Variants in ELAVL1 observed in about 807,000 individuals in gnomAD.
ELAVL1 encodes ELAV-like protein 1.
ELAVL1 carries 1 observed loss-of-function variant against 28.4 expected under a neutral mutation model. That is an observed-to-expected ratio of 0.04 (90% CI 0.01 to 0.17). ELAVL1 has a LOEUF of 0.17. Among genes scored for constraint, ELAVL1 ranks in the 10% least tolerant of loss-of-function variants. The probability of loss-of-function intolerance (pLI) is 1.00; values close to 1 mark genes in which losing one functional copy is unlikely to be tolerated. For synonymous variants in ELAVL1, 174 were observed against 183.5 expected (o/e 0.95, Z 0.42); for missense variants, 157 against 447.2 (o/e 0.35, Z 5.85).
intron 2 of ELAVL1, among the ~76,000 whole-genome samples, chr19:7,986,164 C>T (rs976751250): frequency 9.2e-5 from 14 of 152,208 alleles, no homozygotes; most frequent in South Asian, 4.1e-4. Context: ...CAGCTGGAAG[C>T]GCCCTGACCT....
chr19:7,976,518 G>A (rs1292421125), intron 3 of ELAVL1, among the ~76,000 whole-genome samples: 35 of 152,220 alleles, frequency 2.3e-4, no homozygotes, highest in Non-Finnish European at 8.8e-5. Flanking sequence ...AGACACTGGG[G>A]TGATGCTTCT....
At chr19:7,972,470 C>T (rs1391850203) in intron 4 of ELAVL1, among the ~76,000 whole-genome samples, 1 of 152,228 alleles carries the variant, frequency 6.6e-6, no homozygotes, top group Non-Finnish European at 1.5e-5. Flanking sequence ...GATTGCCTGC[C>T]CATTAGAGGA....
intron 2 of ELAVL1, among the ~76,000 whole-genome samples, chr19:7,988,294 C>T (rs1352660982): frequency 2.6e-5 from 4 of 152,100 alleles, no homozygotes; most frequent in African/African-American, 9.7e-5. Flanking sequence ...TTCTGGAGCT[C>T]AGGACAGCCT....
chr19:7,976,317 G>C (rs922267782), intron 3 of ELAVL1, among the ~76,000 whole-genome samples: 8 of 151,416 alleles, frequency 5.3e-5, no homozygotes, highest in African/African-American at 1.9e-4. Context: ...CAGGAGAATG[G>C]CGTGAACCCA....
At position 7,984,012 on chromosome 19, in the gene ELAVL1, A is replaced by G. The variant is rs374266253; in HGVS notation, c.173-2826T>C. ...TCCTCAGGCTCCTCACTCCCTGTCC[A>G]TTCCATGGAGACCCATGGGCCCTGA... is the stretch of plus-strand genomic sequence containing the variant. On this transcript the variant is annotated intron_variant, in intron 2 of 5. Coordinates refer to ENST00000407627, the MANE Select transcript of ELAVL1 (RefSeq NM_001419.3). 1.7e-3 allele frequency among the ~76,000 whole-genome samples: 254 copies of G among 152,048 alleles called. 1 individual carries two copies. The highest frequency in any genetic ancestry group is 5.4e-3 in the African/African-American group (223 of 41,462).
At chr19:7,971,768 G>T (rs567566577) in intron 4 of ELAVL1, among the ~76,000 whole-genome samples, 4 of 152,204 alleles carry the variant, frequency 2.6e-5, no homozygotes, top group Non-Finnish European at 5.9e-5. Flanking sequence ...TCCCCTCCTC[G>T]GGCCCCAGCG....
chr19:8,002,708 G>A (rs993665777), intron 1 of ELAVL1, among the ~76,000 whole-genome samples: 5 of 152,222 alleles, frequency 3.3e-5, no homozygotes, highest in African/African-American at 1.2e-4. Flanking sequence ...GGCTTCAAAC[G>A]GCCAGTGAGC....
chr19:7,986,602 A>G (rs1381226511), intron 2 of ELAVL1, among the ~76,000 whole-genome samples: 1 of 152,200 alleles, frequency 6.6e-6, no homozygotes, highest in Non-Finnish European at 1.5e-5. Flanking sequence ...AAGAGCCTTT[A>G]AAAGGTGCGC....
intron 2 of ELAVL1, among the ~76,000 whole-genome samples, chr19:7,985,783 T>G (rs1985585818): frequency 6.6e-6 from 1 of 152,032 alleles, no homozygotes; most frequent in African/African-American, 2.4e-5. Context: ...GGGAGTGAAA[T>G]GCAGGGCTGT....
At chr19:7,992,800 T>C (rs760668778) in intron 1 of ELAVL1, among the ~76,000 whole-genome samples, 4 of 152,180 alleles carry the variant, frequency 2.6e-5, no homozygotes, top group Non-Finnish European at 5.9e-5. Flanking sequence ...AGGTACCATG[T>C]GAATGTGAGA....
intron 4 of ELAVL1, among the ~76,000 whole-genome samples, chr19:7,970,156 CTTTA>C (rs1170212097): frequency 1.3e-5 from 2 of 148,752 alleles, no homozygotes; most frequent in African/African-American, 2.5e-5. Flanking sequence ...TTTTATTTTA[CTTTA>C]TTTATTTATT....
chr19:7,996,776 G>A (rs936738919), intron 1 of ELAVL1, among the ~76,000 whole-genome samples: 4 of 152,154 alleles, frequency 2.6e-5, no homozygotes, highest in Non-Finnish European at 5.9e-5. Flanking sequence ...TGGCGCCACT[G>A]TACTCCAAAC....
At chr19:7,967,500 G>A (rs1984987939) in intron 5 of ELAVL1, 65 bp downstream of exon 5, 2 of 1,542,052 alleles carry the variant, frequency 1.3e-6, no homozygotes, top group Admixed American at 3.8e-5. Flanking sequence ...CTATTCTGTG[G>A]CTGTGCCGTC....
chr19:7,977,941 A>G (rs758133788), intron 3 of ELAVL1, among the ~76,000 whole-genome samples: 8 of 152,216 alleles, frequency 5.3e-5, no homozygotes, highest in Admixed American at 6.5e-5. Context: ...TGCTGCTCAG[A>G]ATACCCTCAT....
At chr19:7,988,953 C>T (rs1262005003) in intron 2 of ELAVL1, among the ~76,000 whole-genome samples, 2 of 152,188 alleles carry the variant, frequency 1.3e-5, no homozygotes, top group Non-Finnish European at 1.5e-5. Flanking sequence ...CTATTAGTTC[C>T]ACTGCGAAGC....
rs114074611 is a variant in ELAVL1 at position 7,975,399 on chromosome 19, C to G, written c.277-1521G>C. ...AATGCTGGGGAAAGCTCTGATGCCTCCCAAGGACAGGTGTCTCCAAGGACC... is the reference window on the plus strand; with the variant it reads ...AATGCTGGGGAAAGCTCTGATGCCTGCCAAGGACAGGTGTCTCCAAGGACC... On this transcript the variant is annotated intron_variant, in intron 3 of 5. Transcript: ENST00000407627. Among the ~76,000 whole-genome samples, 467 of 152,348 alleles carry G rather than the reference C, an allele frequency of 3.1e-3. 2 individuals are homozygous for G. The highest frequency in any genetic ancestry group is 0.011 in the African/African-American group (441 of 41,586).
In ELAVL1 at chr19:7,959,033, T is replaced by A. The variant is rs1176873270; in HGVS notation, c.*4450A>T. The A allele has an allele frequency of 6.6e-6, 1 of 151,236 alleles. No homozygotes were observed. Among genetic ancestry groups the A allele is most frequent in the Non-Finnish European group, 1.5e-5 (1 of 67,620 alleles). 9.4% of individuals were successfully genotyped at this position (151,236 alleles called of 1,614,324 possible). On this transcript the variant is annotated 3_prime_UTR_variant, in exon 6 of 6. Transcript: ENST00000407627. ...GGTTTGCTTTTTCCTCCTAAAACAC[T>A]AAAGAACATTTATTCACAAGGATTA...
In ELAVL1 at chr19:7,983,918, T is replaced by G. The variant is rs535526479; in HGVS notation, c.173-2732A>C. ...GCTTTCGGCAGCTCAGGGTAGGGCC[T>G]ACCCTCTTGGGACACCCCTCCTCCA... On this transcript the variant is annotated intron_variant, in intron 2 of 5. Coordinates refer to ENST00000407627, the MANE Select transcript of ELAVL1 (RefSeq NM_001419.3). 9.1e-4 allele frequency among the ~76,000 whole-genome samples: 139 copies of G among 152,124 alleles called. 1 individual carries two copies. Among genetic ancestry groups the G allele is most frequent in the Middle Eastern group, 6.8e-3 (2 of 294 alleles).
At chr19:7,994,944 ACT>A (rs1019362168) in intron 1 of ELAVL1, among the ~76,000 whole-genome samples, 3 of 152,268 alleles carry the variant, frequency 2.0e-5, no homozygotes, top group East Asian at 1.9e-4. Flanking sequence ...ACAGAGTAAG[ACT>A]CTGTCTCAAA....
Sources: gnomAD v4.1 joint callset for allele counts (sites outside exome capture counted in the v4.1 genomes callset) on GRCh38, gnomAD v4.1.1 for gene constraint, MANE v1.5 for transcripts, NCBI Gene and HGNC (gene_info 2026-07-23, HGNC 2026-07-21) for gene names.